The following ZNF621 variants were observed in gnomAD, a reference collection of about 807,000 sequenced individuals.
ZNF621 encodes the protein zinc finger protein 621.
Under a neutral mutation model 12.7 loss-of-function variants are expected in ZNF621, and 6 were observed. The observed-to-expected ratio is 0.47, with a 90% CI of 0.26 to 0.93. The LOEUF is 0.93. ZNF621 is among the 40% of genes least tolerant of loss of function. The pLI, the probability that ZNF621 is intolerant of heterozygous loss-of-function variation, is 0.15. For missense variants in ZNF621, 474 were observed against 524.0 expected, an observed-to-expected ratio of 0.90 and a Z score of 0.93; for synonymous variants, 156 against 190.3, an observed-to-expected ratio of 0.82 and a Z score of 1.48.
chr3:40,526,362 G>A (rs1157526920), intron 2 of ZNF621, among the ~76,000 whole-genome samples: 1 of 152,130 alleles, frequency 6.6e-6, no homozygotes, highest in Non-Finnish European at 1.5e-5. Flanking sequence ...GTAGAGACGG[G>A]GTTTACACCA....
chr3:40,535,177 C>G lies in ZNF621; in HGVS notation c.*2087C>G, dbSNP rs1042798855. 1 of 152,240 alleles carries G rather than the reference C, an allele frequency of 6.6e-6. No individual in the cohort carries two copies. Among genetic ancestry groups the G allele is most frequent in the Middle Eastern group, 3.2e-3 (1 of 316 alleles). The allele number at this position is 152,240 out of a possible 1,614,324, so 9.4% of individuals were successfully genotyped here. ...AGAACATATGGAGCCAACTTGAGTT[C>G]GGAAGGGCTGTGGCCACCTCGTTTC... On this transcript the variant is annotated 3_prime_UTR_variant, in exon 5 of 5. Transcript: ENST00000339296.
Position 40,538,260 on chromosome 3 carries a change from C to T in ZNF621, c.*5170C>T, listed in dbSNP as rs1698918041. 1 of 414,662 alleles carries T rather than the reference C, an allele frequency of 2.4e-6. No homozygotes were observed. The allele number at this position is 414,662 out of a possible 1,614,324, so 25.7% of individuals were successfully genotyped here. On this transcript the variant is annotated 3_prime_UTR_variant, in exon 5 of 5. Transcript: ENST00000339296. ...AGGTGTGGTGGCTCACACTTGTAATCCCAACACTTTGGGAGGCCAAGGCAG... is the reference window on the plus strand; with the variant it reads ...AGGTGTGGTGGCTCACACTTGTAATTCCAACACTTTGGGAGGCCAAGGCAG...
At position 40,532,439 on chromosome 3, in the gene ZNF621, T is replaced by G. The variant is rs746445163; in HGVS notation, c.669T>G (p.Thr223=). The change falls in exon 5 of 5, where the codon ACT becomes ACG. Residue 223 remains threonine (T), a synonymous_variant. Coordinates refer to ENST00000339296, the MANE Select transcript of ZNF621 (RefSeq NM_198484.5). The stretch of plus-strand genomic sequence containing the variant: ...GTTTGAGTTCCAACACAGCCTTGAC[T>G]CAACATCAGAGGATCCACACTGGAG... ...GKGLSSNTAL[T]QHQRIHTGEK... 1 of 1,613,946 alleles carries G rather than the reference T, an allele frequency of 6.2e-7. No homozygotes were observed. The highest frequency in any genetic ancestry group is 1.1e-5 in the South Asian group (1 of 91,074).
chr3:40,525,973 G>A lies in ZNF621; in HGVS notation c.24+109G>A, dbSNP rs1698572996. ...GAGGAAGGCCTAACTTGGCCAAGCT[G>A]TGTTTTCCCCTTTGTATCTATCTCC... On this transcript the variant is annotated intron_variant, in intron 2 of 4. Coordinates refer to ENST00000339296, the MANE Select transcript of ZNF621 (RefSeq NM_198484.5). 2.3e-6 allele frequency: 3 copies of A among 1,292,766 alleles called. No individual in the cohort carries two copies. The South Asian group carries it at 3.9e-5, about 17-fold the overall frequency. The allele number at this position is 1,292,766 out of a possible 1,614,324, so 80.1% of individuals were successfully genotyped here.
rs139105016 is a variant in ZNF621 at position 40,529,817 on chromosome 3, A to G, written c.151+372A>G. 5.5e-3 allele frequency among the ~76,000 whole-genome samples: 834 copies of G among 152,048 alleles called. 3 individuals are homozygous for G. The highest frequency in any genetic ancestry group is 0.018 in the African/African-American group (743 of 41,468). On this transcript the variant is annotated intron_variant, in intron 3 of 4. Coordinates refer to ENST00000339296, the MANE Select transcript of ZNF621 (RefSeq NM_198484.5). ...TTTGGTTTTGAAATTAGACTTCCTT[A>G]TACTCCAGGAACAGTGTGGTCCTGG...
At chr3:40,529,843 G>C (rs953570520) in intron 3 of ZNF621, among the ~76,000 whole-genome samples, 1 of 152,144 alleles carries the variant, frequency 6.6e-6, no homozygotes, top group African/African-American at 2.4e-5. Flanking sequence ...GTGGTCCTGG[G>C]CCCTGAGGGA....
rs1248403907 is a variant in ZNF621, at chr3:40,535,546, C to T, written c.*2456C>T. The T allele has an allele frequency of 6.6e-6, 1 of 152,146 alleles. No individual in the cohort carries two copies. Among genetic ancestry groups the T allele is most frequent in the Non-Finnish European group, 1.5e-5 (1 of 68,038 alleles). 9.4% of individuals were successfully genotyped at this position (152,146 alleles called of 1,614,324 possible). On this transcript the variant is annotated 3_prime_UTR_variant, in exon 5 of 5. Coordinates refer to ENST00000339296, the MANE Select transcript of ZNF621 (RefSeq NM_198484.5). Reference sequence around the variant, plus strand: ...CCCCCCATTGAAGAGACTGGACCACCAGGAAGGTCGTTTCACATTCTGTAG... The same window carrying T: ...CCCCCCATTGAAGAGACTGGACCACTAGGAAGGTCGTTTCACATTCTGTAG...
intron 2 of ZNF621, 24 bp downstream of exon 2, chr3:40,525,888 T>C: frequency 6.2e-7 from 1 of 1,611,652 alleles, no homozygotes; most frequent in Non-Finnish European, 8.5e-7. Flanking sequence ...CTTTCAGTTT[T>C]TTTGTTTGTT....
At chr3:40,523,532 G>A (rs933654626), upstream of ZNF621, among the ~76,000 whole-genome samples, 2 of 152,088 alleles carry the variant, frequency 1.3e-5, no homozygotes, top group Non-Finnish European at 2.9e-5. Flanking sequence ...TTGGGAGGCC[G>A]AGGTGCACGG....
chr3:40,523,788 C>G (rs1246517225), upstream of ZNF621, among the ~76,000 whole-genome samples: 1 of 84,236 alleles, frequency 1.2e-5, no homozygotes, highest in South Asian at 4.4e-4. Flanking sequence ...AAACAAAAAA[C>G]AAGCAAAAAA....
chr3:40,538,252 C>T lies in ZNF621; in HGVS notation c.*5162C>T. The T allele has an allele frequency of 2.4e-6, 1 of 418,576 alleles. No individual in the cohort carries two copies. The highest frequency in any genetic ancestry group is 9.3e-5 in the East Asian group (1 of 10,732). The allele number at this position is 418,576 out of a possible 1,614,324, so 25.9% of individuals were successfully genotyped here. ...ATTCTGTCAGGTGTGGTGGCTCACA[C>T]TTGTAATCCCAACACTTTGGGAGGC... On this transcript the variant is annotated 3_prime_UTR_variant, in exon 5 of 5. Coordinates refer to ENST00000339296, the MANE Select transcript of ZNF621 (RefSeq NM_198484.5).
At chr3:40,529,060 G>A (rs1203865230) in intron 2 of ZNF621, among the ~76,000 whole-genome samples, 1 of 152,182 alleles carries the variant, frequency 6.6e-6, no homozygotes, top group Non-Finnish European at 1.5e-5. Flanking sequence ...CAGCCTGGGT[G>A]CCAAGCTGTA....
chr3:40,533,051 T>G lies in ZNF621; in HGVS notation c.1281T>G (p.Pro427=). Residue 427 remains proline, a synonymous_variant, in exon 5 of 5, where the codon CCT becomes CCG. Transcript: ENST00000339296. The stretch of plus-strand genomic sequence containing the variant: ...AGGGTCTTACTCCCACTGTGAAACC[T>G]TCCCCAGTTATTCTCACCCCTTCTT... ...VFQGLTPTVK[P]SPVILTPSSH... 6.4e-7 allele frequency: 1 copy of G among 1,551,776 alleles called. No individual in the cohort carries two copies. The highest frequency in any genetic ancestry group is 8.7e-7 in the Non-Finnish European group (1 of 1,147,004).
intron 3 of ZNF621, 33 bp from the exon 4 acceptor site, chr3:40,530,176 C>T (rs370665011): frequency 1.5e-5 from 24 of 1,574,472 alleles, no homozygotes; most frequent in African/African-American, 5.4e-5. Flanking sequence ...TGGACGTCTC[C>T]CCTCAATTTG....
At chr3:40,531,399 CT>C (rs1411011794) in intron 4 of ZNF621, among the ~76,000 whole-genome samples, 3 of 152,110 alleles carry the variant, frequency 2.0e-5, no homozygotes, top group Non-Finnish European at 4.4e-5. Context: ...TTCTCTCCTT[CT>C]TTTTTCTTTT....
upstream of ZNF621, among the ~76,000 whole-genome samples, chr3:40,524,622 A>G (rs987124621): frequency 1.3e-5 from 2 of 152,198 alleles, no homozygotes; most frequent in African/African-American, 4.8e-5. Context: ...TGCACGGCCC[A>G]GGCTTCAGGT....
rs192029216 is a variant in ZNF621 at position 40,537,790 on chromosome 3, T to A, written c.*4700T>A. 6.1e-6 allele frequency: 1 copy of A among 163,758 alleles called. No individual in the cohort carries two copies. The highest frequency in any genetic ancestry group is 1.3e-5 in the Non-Finnish European group (1 of 76,428). 10.1% of individuals were successfully genotyped at this position (163,758 alleles called of 1,614,324 possible). ...AGGTTGGTTCATGAGGTTTAAGAAG[T>A]CATCTTATCATAAAAGTGCAAGGTG... On this transcript the variant is annotated 3_prime_UTR_variant, in exon 5 of 5. Transcript: ENST00000339296.
chr3:40,527,012 T>TTTTG (rs1387266239), intron 2 of ZNF621, among the ~76,000 whole-genome samples: 5 of 151,804 alleles, frequency 3.3e-5, no homozygotes, highest in South Asian at 2.1e-4. Context: ...TGCACCTGTT[T>TTTTG]TTTGTTTGTT....
intron 2 of ZNF621, among the ~76,000 whole-genome samples, chr3:40,526,609 G>A (rs1423080607): frequency 6.6e-6 from 1 of 152,198 alleles, no homozygotes; most frequent in Non-Finnish European, 1.5e-5. Flanking sequence ...AAAGCTGGAT[G>A]TACTCTAGAA....
Sources: allele counts gnomAD v4.1 joint callset (sites outside exome capture counted in the v4.1 genomes callset), GRCh38; gene constraint gnomAD v4.1.1; transcripts MANE v1.5; gene names NCBI Gene and HGNC (gene_info 2026-07-23, HGNC 2026-07-21).